WNT8B: variants seen among roughly 807,000 people sequenced by gnomAD.
The protein encoded by WNT8B is Wnt family member 8B, also known as protein Wnt-8b.
In WNT8B, 24 loss-of-function variants were observed where a neutral mutation model predicts 36.6. That is an observed-to-expected ratio of 0.66 (90% CI 0.48 to 0.92). The LOEUF is 0.92. Among genes scored for constraint, WNT8B ranks in the 40% least tolerant of loss-of-function variants. The pLI, the probability that WNT8B is intolerant of heterozygous loss-of-function variation, is 0.00. For synonymous variants in WNT8B, 199 were observed against 189.8 expected, an observed-to-expected ratio of 1.05 and a Z score of -0.40; for missense variants, 402 against 470.8, an observed-to-expected ratio of 0.85 and a Z score of 1.35.
chr10:100,481,848 C>T (rs1277490069), intron 4 of WNT8B, 64 bp from the exon 5 acceptor site: 7 of 1,434,548 alleles, frequency 4.9e-6, no homozygotes, highest in Non-Finnish European at 9.6e-7. Flanking sequence ...CAATTAGAAA[C>T]AGCAGCCCAG....
intron 4 of WNT8B, 80 bp from the exon 5 acceptor site, chr10:100,481,832 C>A: frequency 6.4e-7 from 1 of 1,571,522 alleles, no homozygotes; most frequent in Non-Finnish European, 8.6e-7. Flanking sequence ...CCCCCCACCC[C>A]CAACCCAATT....
intron 1 of WNT8B, among the ~76,000 whole-genome samples, chr10:100,477,586 A>G (rs1170291701): frequency 6.6e-6 from 1 of 152,168 alleles, no homozygotes; most frequent in Non-Finnish European, 1.5e-5. Flanking sequence ...GGCGTGAGCC[A>G]CCGCACCCGG....
intron 1 of WNT8B, among the ~76,000 whole-genome samples, chr10:100,463,892 A>G (rs775197576): frequency 7.2e-5 from 11 of 152,260 alleles, no homozygotes; most frequent in Non-Finnish European, 1.3e-4. Context: ...AATTATAAAC[A>G]CAAATGCTAA....
intron 1 of WNT8B, 52 bp downstream of exon 1, chr10:100,463,288 T>C (rs756125681): frequency 2.6e-6 from 4 of 1,550,490 alleles, no homozygotes; most frequent in South Asian, 1.1e-5. Context: ...GTGTATGTAA[T>C]GTGTTGGGTA....
rs773989054 is a variant in WNT8B, at chr10:100,482,719, G to A, written c.959G>A (p.Arg320His). 3 of 1,607,762 alleles carry A rather than the reference G, an allele frequency of 1.9e-6. No individual in the cohort carries two copies. The African/African-American group carries it at 4.0e-5, about 22-fold the overall frequency. ...AAGTTCCACTGGTGCTGCGCAGTCC[G>A]CTGCGAGCAGTGCCGCCGGAGGGTC... is the stretch of plus-strand genomic sequence containing the variant. ...NCKFHWCCAV[R>H]CEQCRRRVTK... is the part of the protein sequence containing the mutation. Residue 320 changes from arginine (R) to histidine (H), a missense_variant, in exon 6 of 6, where the codon CGC (arginine) becomes CAC (histidine). Physicochemically the swap from Arg to His is conservative, Grantham distance 29. Around this residue, in one of 3 missense-constraint regions of WNT8B, gnomAD observed 256 missense variants for 278.6 expected, o/e 0.92. Coordinates refer to ENST00000343737, the MANE Select transcript of WNT8B (RefSeq NM_003393.4). The surrounding 1 kb of genome is among the most constrained non-coding windows in gnomAD (Gnocchi z 6.6).
intron 1 of WNT8B, among the ~76,000 whole-genome samples, chr10:100,470,607 A>C (rs2133652177): frequency 6.6e-6 from 1 of 152,288 alleles, no homozygotes; most frequent in Admixed American, 6.5e-5. Flanking sequence ...CTACGTAAAG[A>C]TTTGTGGGGA....
chr10:100,475,110 C>T (rs1266853987), intron 1 of WNT8B, among the ~76,000 whole-genome samples: 1 of 151,936 alleles, frequency 6.6e-6, no homozygotes, highest in Non-Finnish European at 1.5e-5. Context: ...TGTGGTGGCA[C>T]ACGCCTGTAA....
At chr10:100,468,973 C>A (rs1241812054) in intron 1 of WNT8B, among the ~76,000 whole-genome samples, 1 of 152,188 alleles carries the variant, frequency 6.6e-6, no homozygotes, top group East Asian at 1.9e-4. Flanking sequence ...AATTGGCTTA[C>A]AAGACTTGTT....
chr10:100,468,743 C>A (rs896361798), intron 1 of WNT8B, among the ~76,000 whole-genome samples: 1 of 152,226 alleles, frequency 6.6e-6, no homozygotes, highest in African/African-American at 2.4e-5. Flanking sequence ...AAAAGATGAT[C>A]CCCCGAACAT....
intron 2 of WNT8B, among the ~76,000 whole-genome samples, chr10:100,479,489 C>T (rs1851082186): frequency 6.6e-6 from 1 of 152,096 alleles, no homozygotes; most frequent in South Asian, 2.1e-4. Flanking sequence ...CTAAGATGGT[C>T]ATGTGATGAG....
At chr10:100,467,908 A>G (rs879024559) in intron 1 of WNT8B, among the ~76,000 whole-genome samples, 25 of 152,202 alleles carry the variant, frequency 1.6e-4, no homozygotes, top group Admixed American at 1.0e-3. Flanking sequence ...CTTAGTCTGA[A>G]TCTTCCAAGT....
At position 100,482,114 on chromosome 10, in the gene WNT8B, G is replaced by A; in HGVS notation, c.510+60G>A. Reference sequence around the variant, plus strand: ...TGGCTATATCCACTACCAGCTCCAGGTGCGGACAACTCTTCAGTTCATTTA... The same window carrying A: ...TGGCTATATCCACTACCAGCTCCAGATGCGGACAACTCTTCAGTTCATTTA... On this transcript the variant is annotated intron_variant, in intron 5 of 5. Transcript: ENST00000343737. This position sits in a 1 kb window ranked among gnomAD's most constrained non-coding sequence, Gnocchi z 6.6. 1 of 1,607,572 alleles carries A rather than the reference G, an allele frequency of 6.2e-7. No homozygotes were observed.
At position 100,482,497 on chromosome 10, in the gene WNT8B, T is replaced by G; in HGVS notation, c.737T>G (p.Leu246Arg). 1 of 1,601,822 alleles carries G rather than the reference T, an allele frequency of 6.2e-7. No individual in the cohort carries two copies. Among genetic ancestry groups the G allele is most frequent in the Non-Finnish European group, 8.5e-7 (1 of 1,179,708 alleles). ...DTFRSISTRE[L>R]VHLEDSPDYC... ...TTTCGCTCCATCTCTACCCGGGAGC[T>G]GGTGCACCTGGAGGACTCCCCGGAC... The change falls in exon 6 of 6, where the codon CTG (leucine) becomes CGG (arginine). Residue 246 changes from leucine to arginine, a missense_variant. Physicochemically the swap from Leu to Arg is moderately radical, Grantham distance 102. Transcript: ENST00000343737. This position sits in a 1 kb window ranked among gnomAD's most constrained non-coding sequence, Gnocchi z 6.6.
At position 100,482,444 on chromosome 10, in the gene WNT8B, G is replaced by T. The variant is rs375278249; in HGVS notation, c.684G>T (p.Ala228=). Residue 228 remains alanine (A), a synonymous_variant, in exon 6 of 6, where the codon GCG becomes GCT. Transcript: ENST00000343737. The surrounding 1 kb of genome is among the most constrained non-coding windows in gnomAD (Gnocchi z 6.6). ...VDLLQGAGNS[A]AGRGAIADTF... ...TGCTGCAGGGTGCTGGCAACAGCGC[G>T]GCCGGCCGCGGCGCCATCGCCGACA... The T allele has an allele frequency of 1.2e-5, 20 of 1,605,142 alleles. No homozygotes were observed. Among genetic ancestry groups the T allele is most frequent in the Middle Eastern group, 1.6e-4 (1 of 6,078 alleles).
rs761811082 is a variant in WNT8B, at chr10:100,483,566, G to C, written c.*750G>C. 6.6e-6 allele frequency: 1 copy of C among 152,196 alleles called. No homozygotes were observed. The highest frequency in any genetic ancestry group is 1.5e-5 in the Non-Finnish European group (1 of 68,026). The allele number at this position is 152,196 out of a possible 1,614,324, so 9.4% of individuals were successfully genotyped here. A position where few individuals can be genotyped will look rare whatever the true frequency, so the allele number is the denominator to read the frequency against. On this transcript the variant is annotated 3_prime_UTR_variant, in exon 6 of 6. Transcript: ENST00000343737. Reference sequence around the variant, plus strand: ...CATACCCCGAAGGTCTAGGAAATACGTTAAGGGCAGATTACAGTCATTTCC... The same window carrying C: ...CATACCCCGAAGGTCTAGGAAATACCTTAAGGGCAGATTACAGTCATTTCC...
At position 100,478,900 on chromosome 10, in the gene WNT8B, GGTTT is replaced by G. The variant is rs1346657419; in HGVS notation, c.69-148_69-145del. ...ACCTGGCTGTAAATCATCTTTAGTA[GGTTT>G]GTTATGCACAGTGTTTCCTGGGTAA... On this transcript the variant is annotated intron_variant, in intron 1 of 5. Coordinates refer to ENST00000343737, the MANE Select transcript of WNT8B (RefSeq NM_003393.4). 4 of 631,506 alleles carry G rather than the reference GGTTT, an allele frequency of 6.3e-6. No homozygotes were observed. In the Admixed American group the frequency reaches 1.5e-4, roughly 23 times the overall value. The allele number at this position is 631,506 out of a possible 1,614,324, so 39.1% of individuals were successfully genotyped here.
intron 1 of WNT8B, among the ~76,000 whole-genome samples, chr10:100,463,456 T>G (rs1383415186): frequency 6.6e-6 from 1 of 152,156 alleles, no homozygotes; most frequent in Non-Finnish European, 1.5e-5. Context: ...GGGGTTCCTA[T>G]TTTTATAAAT....
intron 1 of WNT8B, among the ~76,000 whole-genome samples, chr10:100,475,478 T>C (rs1851027685): frequency 6.6e-6 from 1 of 152,194 alleles, no homozygotes; most frequent in African/African-American, 2.4e-5. Context: ...CATTGATCAG[T>C]TGGGCTTGAC....
At chr10:100,466,633 G>T (rs1036198744) in intron 1 of WNT8B, among the ~76,000 whole-genome samples, 4 of 152,034 alleles carry the variant, frequency 2.6e-5, no homozygotes, top group African/African-American at 9.7e-5. Context: ...TTTGGTGGAT[G>T]ACAACATGAC....
Sources: allele counts gnomAD v4.1 joint callset (sites outside exome capture counted in the v4.1 genomes callset), GRCh38; gene constraint gnomAD v4.1.1; regional missense constraint gnomAD v4.1.1; non-coding constraint Gnocchi (gnomAD v3.1); transcripts MANE v1.5; gene names NCBI Gene and HGNC (gene_info 2026-07-23, HGNC 2026-07-21).